The following SPTB variants were observed in gnomAD, a reference collection of about 807,000 sequenced individuals.
The protein encoded by SPTB is spectrin beta chain, erythrocytic.
In SPTB, 45 loss-of-function variants were observed where a neutral mutation model predicts 256.2. The ratio of observed to expected loss-of-function variants is 0.18; its 90% confidence interval spans 0.14 to 0.23. The LOEUF (loss-of-function observed/expected upper bound fraction) is 0.23, where lower values mean the gene tolerates loss of function less well. Among genes scored for constraint, SPTB ranks in the 10% least tolerant of loss-of-function variants. The probability of loss-of-function intolerance (pLI) is 1.00; values close to 1 mark genes in which losing one functional copy is unlikely to be tolerated. For missense variants in SPTB, 2,715 were observed against 3,040.4 expected (o/e 0.89, Z 2.52); for synonymous variants, 1,231 against 1,243.1 (o/e 0.99, Z 0.21).
chr14:64,867,300 T>C (rs1373226620), intron 1 of SPTB, among the ~76,000 whole-genome samples: 2 of 152,138 alleles, frequency 1.3e-5, no homozygotes, highest in South Asian at 2.1e-4. Flanking sequence ...CCAATTCAAC[T>C]TGTTTCTTGA....
chr14:64,786,920 C>T lies in SPTB; in HGVS notation c.3045G>A (p.Glu1015=), dbSNP rs1047898150. ...AAIQARVDAL[E]RESQQLMDSH... ...AGTCCATCAGCTGCTGGGACTCACG[C>T]TCCAGGGCATCCACACGGGCCTGGA... The change falls in exon 16 of 36, where the codon GAG becomes GAA. Residue 1015 remains glutamate (E), a synonymous_variant. Transcript: ENST00000644917. The surrounding 1 kb of genome is among the most constrained non-coding windows in gnomAD (Gnocchi z 5.6). 5 of 1,613,360 alleles carry T rather than the reference C, an allele frequency of 3.1e-6. No individual in the cohort carries two copies. Among genetic ancestry groups the T allele is most frequent in the Admixed American group, 1.7e-5 (1 of 60,022 alleles).
At position 64,779,654 on chromosome 14, in the gene SPTB, GGCA is replaced by G; in HGVS notation, c.4473+68_4473+70del. On this transcript the variant is annotated intron_variant, in intron 21 of 35. Coordinates refer to ENST00000644917, the MANE Select transcript of SPTB (RefSeq NM_001355436.2). This position sits in a 1 kb window ranked among gnomAD's most constrained non-coding sequence, Gnocchi z 4.2. ...TCTACTGCCAAAAATTGCTCTGGGTGGCAGCCAGCTACTCTGATGGCAGCTGGT... is the reference window on the plus strand; with the variant it reads ...TCTACTGCCAAAAATTGCTCTGGGTGGCCAGCTACTCTGATGGCAGCTGGT... The G allele has an allele frequency of 6.3e-7, 1 of 1,579,630 alleles. No individual in the cohort carries two copies.
intron 31 of SPTB, 144 bp from the exon 32 acceptor site, chr14:64,766,945 G>A (rs1343180537): frequency 7.3e-6 from 8 of 1,088,880 alleles, no homozygotes; most frequent in Non-Finnish European, 8.3e-6. Flanking sequence ...GATGGTGCTT[G>A]GCAAGGAGCC....
chr14:64,758,886 G>T lies in SPTB; in HGVS notation c.6346-5093C>A, dbSNP rs571934863. On this transcript the variant is annotated intron_variant, in intron 32 of 35. Coordinates refer to ENST00000644917, the MANE Select transcript of SPTB (RefSeq NM_001355436.2). This position sits in a 1 kb window ranked among gnomAD's most constrained non-coding sequence, Gnocchi z 4.6. ...TTCATAAGAGATAAGGAATTTCTCT[G>T]GGGCCTTTTATTTCTAGCCATGCCT... Among the ~76,000 whole-genome samples the T allele has an allele frequency of 6.6e-6, 1 of 152,136 alleles. No individual in the cohort carries two copies. The highest frequency in any genetic ancestry group is 2.4e-5 in the African/African-American group (1 of 41,504).
intron 19 of SPTB, among the ~76,000 whole-genome samples, chr14:64,782,946 G>C (rs994331739): frequency 6.6e-6 from 1 of 152,090 alleles, no homozygotes; most frequent in African/African-American, 2.4e-5. Context: ...GCAGTGCTGG[G>C]GGCAATGACT....
At position 64,801,830 on chromosome 14, in the gene SPTB, G is replaced by A. The variant is rs747805892; in HGVS notation, c.571C>T (p.Pro191Ser). The change falls in exon 6 of 36, where the codon CCT (proline) becomes TCT (serine). Residue 191 changes from proline (P) to serine (S), a missense_variant. Transcript: ENST00000644917. The stretch of plus-strand genomic sequence containing the variant: ...GTAAAGTTGGTGACATTAACATGAG[G>A]GTAGCTGCATCCAAGAGAAACAGTA... ...LWCQMKTAGY[P>S]HVNVTNFTSS... 1 of 1,614,098 alleles carries A rather than the reference G, an allele frequency of 6.2e-7. No homozygotes were observed. The highest frequency in any genetic ancestry group is 1.1e-5 in the South Asian group (1 of 91,078).
intron 1 of SPTB, among the ~76,000 whole-genome samples, chr14:64,854,926 G>A (rs1237465400): frequency 6.6e-6 from 1 of 152,208 alleles, no homozygotes; most frequent in East Asian, 1.9e-4. Context: ...AAGGGCTGCT[G>A]ATGCCCCTCC....
In SPTB at chr14:64,852,604, C is replaced by T. The variant is rs1187510644; in HGVS notation, c.-52+27188G>A. Among the ~76,000 whole-genome samples the T allele has an allele frequency of 6.6e-6, 1 of 152,050 alleles. No individual in the cohort carries two copies. The highest frequency in any genetic ancestry group is 2.4e-5 in the African/African-American group (1 of 41,372). On this transcript the variant is annotated intron_variant, in intron 1 of 35. Transcript: ENST00000644917. This position sits in a 1 kb window ranked among gnomAD's most constrained non-coding sequence, Gnocchi z 4.2. The stretch of plus-strand genomic sequence containing the variant: ...CTTTGGTAGCCAAGATGGTGGGGAG[C>T]AATCAGCTTACAAAACTATGTAGGA...
In SPTB at chr14:64,827,426, C is replaced by G. The variant is rs77221370; in HGVS notation, c.-51-4281G>C. Among the ~76,000 whole-genome samples the G allele has an allele frequency of 0.025, 3,816 of 152,290 alleles. 83 individuals carry two copies. Among genetic ancestry groups the G allele is most frequent in the Non-Finnish European group, 0.041 (2,779 of 68,022 alleles). Reference sequence around the variant, plus strand: ...CACTGTATTGTTATCTTCTCTCTAGCTGTAAGGTTTGACCCCCTCACCTGT... The same window carrying G: ...CACTGTATTGTTATCTTCTCTCTAGGTGTAAGGTTTGACCCCCTCACCTGT... On this transcript the variant is annotated intron_variant, in intron 1 of 35. Coordinates refer to ENST00000644917, the MANE Select transcript of SPTB (RefSeq NM_001355436.2). This position sits in a 1 kb window ranked among gnomAD's most constrained non-coding sequence, Gnocchi z 4.6.
chr14:64,857,654 A>G lies in SPTB; in HGVS notation c.-52+22138T>C, dbSNP rs140976154. Among the ~76,000 whole-genome samples, 324 of 152,114 alleles carry G rather than the reference A, an allele frequency of 2.1e-3. 1 individual carries two copies. The highest frequency in any genetic ancestry group is 7.7e-3 in the African/African-American group (319 of 41,478). ...GGTGAATGGGAACAGCTATTCTCTGAAAAATATAAATTATTTCTAGCACAA... is the reference window on the plus strand; with the variant it reads ...GGTGAATGGGAACAGCTATTCTCTGGAAAATATAAATTATTTCTAGCACAA... On this transcript the variant is annotated intron_variant, in intron 1 of 35. Transcript: ENST00000644917.
intron 1 of SPTB, among the ~76,000 whole-genome samples, chr14:64,864,414 G>A (rs1882034420): frequency 6.6e-6 from 1 of 152,090 alleles, no homozygotes; most frequent in Admixed American, 6.5e-5. Flanking sequence ...GCATCACTGT[G>A]CTTCAGCCTG....
intron 2 of SPTB, among the ~76,000 whole-genome samples, chr14:64,805,998 T>C (rs1170726828): frequency 6.6e-6 from 1 of 152,108 alleles, no homozygotes; most frequent in Non-Finnish European, 1.5e-5. Flanking sequence ...GCCCATGCTG[T>C]ACCAGTTCAG....
chr14:64,753,885 T>C lies in SPTB; in HGVS notation c.6346-92A>G, dbSNP rs904173609. On this transcript the variant is annotated intron_variant, in intron 32 of 35. Coordinates refer to ENST00000644917, the MANE Select transcript of SPTB (RefSeq NM_001355436.2). The stretch of plus-strand genomic sequence containing the variant: ...AAAATTGGGAGGTCAGCAGCCACCC[T>C]CTCCACACCCCCAAGCCTACTTCCT... 1.5e-5 allele frequency: 23 copies of C among 1,527,782 alleles called. No homozygotes were observed. The East Asian group carries it at 5.0e-4, about 34-fold the overall frequency. 94.6% of individuals were successfully genotyped at this position (1,527,782 alleles called of 1,614,324 possible). A position where few individuals can be genotyped will look rare whatever the true frequency, so the allele number is the denominator to read the frequency against.
chr14:64,864,830 A>G (rs1304955919), intron 1 of SPTB, among the ~76,000 whole-genome samples: 3 of 152,166 alleles, frequency 2.0e-5, no homozygotes, highest in African/African-American at 7.2e-5. Context: ...GAAGATGAAG[A>G]AGGAGAGGGA....
At chr14:64,752,165 G>T (rs770376911) in intron 33 of SPTB, 46 of 1,334,726 alleles carry the variant, frequency 3.4e-5, no homozygotes, top group Non-Finnish European at 4.3e-5. Flanking sequence ...TTTGGTGAGG[G>T]AATCAAACTG....
Position 64,853,797 on chromosome 14 carries a change from T to C in SPTB, c.-52+25995A>G, listed in dbSNP as rs916354749. ...CCCTGAAGTGTTTGGGAACATTTCT[T>C]GTGTCTACTGGCCTAGGATCTCACA... is the stretch of plus-strand genomic sequence containing the variant. On this transcript the variant is annotated intron_variant, in intron 1 of 35. Coordinates refer to ENST00000644917, the MANE Select transcript of SPTB (RefSeq NM_001355436.2). The surrounding 1 kb of genome is among the most constrained non-coding windows in gnomAD (Gnocchi z 4.3). Among the ~76,000 whole-genome samples, 1 of 152,224 alleles carries C rather than the reference T, an allele frequency of 6.6e-6. No individual in the cohort carries two copies. Among genetic ancestry groups the C allele is most frequent in the Non-Finnish European group, 1.5e-5 (1 of 68,044 alleles).
intron 1 of SPTB, among the ~76,000 whole-genome samples, chr14:64,855,438 A>G (rs2083857266): frequency 6.6e-6 from 1 of 152,350 alleles, no homozygotes; most frequent in Admixed American, 6.5e-5. Flanking sequence ...ACCGTATTAG[A>G]TAAAATATTT....
rs1308485846 is a variant in SPTB at position 64,800,828 on chromosome 14, G to A, written c.804C>T (p.Thr268=). Residue 268 remains threonine (T), a synonymous_variant, in exon 8 of 36, where the codon ACC becomes ACT. Coordinates refer to ENST00000644917, the MANE Select transcript of SPTB (RefSeq NM_001355436.2). ...AGTAGTGGTAAAAGGCCACCACATA[G>A]GTGATGATGGATTTCTCATCAGGGT... The part of the protein sequence containing the change: ...TENPDEKSII[T]YVVAFYHYFS... 2 of 1,614,076 alleles carry A rather than the reference G, an allele frequency of 1.2e-6. No homozygotes were observed. Among genetic ancestry groups the A allele is most frequent in the African/African-American group, 2.7e-5 (2 of 74,916 alleles).
chr14:64,763,957 C>G (rs1040308600), intron 32 of SPTB: 2 of 498,602 alleles, frequency 4.0e-6, no homozygotes, highest in Non-Finnish European at 4.0e-6. Flanking sequence ...TGCAGCTGTC[C>G]AGACAGGAGC....
Sources: gnomAD v4.1 joint callset for allele counts (sites outside exome capture counted in the v4.1 genomes callset) on GRCh38, gnomAD v4.1.1 for gene constraint, Gnocchi (gnomAD v3.1) non-coding constraint, MANE v1.5 for transcripts, NCBI Gene and HGNC (gene_info 2026-07-23, HGNC 2026-07-21) for gene names.